MTHFD1L: variants seen among roughly 807,000 people sequenced by gnomAD.
MTHFD1L encodes monofunctional C1-tetrahydrofolate synthase, mitochondrial.
A neutral mutation model predicts 119.5 loss-of-function variants in MTHFD1L; 81 were observed. The ratio of observed to expected loss-of-function variants is 0.68; its 90% CI spans 0.57 to 0.82. The LOEUF (loss-of-function observed/expected upper bound fraction) is 0.82. Among genes scored for constraint, MTHFD1L ranks in the 40% least tolerant of loss-of-function variants. MTHFD1L has a pLI of 0.00. For missense variants in MTHFD1L, 1,125 were observed against 1,253.4 expected, an observed-to-expected ratio of 0.90 and a Z score of 1.55; for synonymous variants, 430 against 475.2, an observed-to-expected ratio of 0.90 and a Z score of 1.24.
intron 13 of MTHFD1L, among the ~76,000 whole-genome samples, chr6:150,943,853 T>G (rs1399201098): frequency 6.6e-6 from 1 of 152,122 alleles, no homozygotes; most frequent in Non-Finnish European, 1.5e-5. Context: ...TTCTCCAAAG[T>G]TCTGTAATAT....
intron 4 of MTHFD1L, 65 bp downstream of exon 4, chr6:150,877,891 G>A (rs772241889): frequency 1.1e-5 from 17 of 1,578,758 alleles, no homozygotes; most frequent in Non-Finnish European, 1.4e-5. Flanking sequence ...AGGCCCATTG[G>A]CGTCTCTTAG....
At chr6:150,878,716 G>A (rs551052498) in intron 4 of MTHFD1L, among the ~76,000 whole-genome samples, 2 of 152,306 alleles carry the variant, frequency 1.3e-5, no homozygotes, top group South Asian at 4.1e-4. Flanking sequence ...GGCCCAGCAG[G>A]TCTGCTAGTC....
intron 26 of MTHFD1L, among the ~76,000 whole-genome samples, chr6:151,067,074 ACCTCTG>A (rs1478321311): frequency 6.7e-6 from 1 of 150,014 alleles, no homozygotes; most frequent in African/African-American, 2.5e-5. Flanking sequence ...GCTCACTGCA[ACCTCTG>A]CCTCCTGGGT....
chr6:151,096,790 G>A (rs1405812648), intron 27 of MTHFD1L, among the ~76,000 whole-genome samples: 1 of 152,152 alleles, frequency 6.6e-6, no homozygotes, highest in Non-Finnish European at 1.5e-5. Context: ...ACAACTTTCT[G>A]TCCTTCCCTT....
intron 11 of MTHFD1L, chr6:150,935,357 A>T: frequency 6.2e-7 from 1 of 1,613,776 alleles, no homozygotes; most frequent in Non-Finnish European, 8.5e-7. Flanking sequence ...CCCTGTACTT[A>T]TAGTTGCTAA....
chr6:150,882,648 C>A, intron 4 of MTHFD1L, 114 bp from the exon 5 acceptor site: 1 of 773,126 alleles, frequency 1.3e-6, no homozygotes, highest in African/African-American at 1.8e-5. Context: ...AGCAAAACAA[C>A]AACAAACTAT....
At chr6:151,043,313 G>A (rs1449518765) in intron 26 of MTHFD1L, among the ~76,000 whole-genome samples, 1 of 124,078 alleles carries the variant, frequency 8.1e-6, no homozygotes, top group Non-Finnish European at 1.6e-5. Context: ...CGCCCAGGCT[G>A]GAGTGCAGTA....
chr6:151,003,316 G>A (rs1780884776), intron 20 of MTHFD1L, among the ~76,000 whole-genome samples: 1 of 152,216 alleles, frequency 6.6e-6, no homozygotes, highest in Non-Finnish European at 1.5e-5. Context: ...CGGATCACCT[G>A]AGGTCAGAAG....
At chr6:151,038,416 G>C (rs1009289287) in intron 26 of MTHFD1L, among the ~76,000 whole-genome samples, 3 of 152,090 alleles carry the variant, frequency 2.0e-5, no homozygotes, top group Non-Finnish European at 4.4e-5. Flanking sequence ...GGATGAGGGG[G>C]GGTGGCTGGG....
At chr6:150,887,699 C>T (rs377443269) in intron 6 of MTHFD1L, 146 bp from the exon 7 acceptor site, 31 of 722,782 alleles carry the variant, frequency 4.3e-5, no homozygotes, top group South Asian at 3.1e-4. Context: ...TGAAGTGATC[C>T]GCCTGCCTCA....
chr6:150,916,292 CTTTTT>C (rs71554488), intron 8 of MTHFD1L, among the ~76,000 whole-genome samples: 1 of 39,986 alleles, frequency 2.5e-5, no homozygotes, highest in African/African-American at 9.8e-5. Flanking sequence ...AAGGTAGAAT[CTTTTT>C]TTTTTTTTTT....
At chr6:150,917,032 A>C (rs1350681363) in intron 8 of MTHFD1L, among the ~76,000 whole-genome samples, 4 of 151,128 alleles carry the variant, frequency 2.6e-5, no homozygotes, top group Non-Finnish European at 5.9e-5. Flanking sequence ...AATTGCTGGG[A>C]TTACAGGCGT....
intron 27 of MTHFD1L, among the ~76,000 whole-genome samples, chr6:151,093,899 T>C (rs1175068025): frequency 6.6e-6 from 1 of 152,172 alleles, no homozygotes; most frequent in Non-Finnish European, 1.5e-5. Flanking sequence ...CAGTCTCAGG[T>C]TGGGCTTTGA....
chr6:151,051,653 C>G (rs1384410633), intron 26 of MTHFD1L, among the ~76,000 whole-genome samples: 1 of 152,176 alleles, frequency 6.6e-6, no homozygotes, highest in Admixed American at 6.5e-5. Flanking sequence ...CCATACCCCC[C>G]CAGAGGCAGC....
chr6:150,876,166 A>G lies in MTHFD1L; in HGVS notation c.304A>G (p.Ile102Val). Residue 102 changes from isoleucine (I) to valine (V), a missense_variant, in exon 2 of 28, where the codon ATT becomes GTT. By Grantham distance (29) the Ile-to-Val change is conservative. Coordinates refer to ENST00000367321, the MANE Select transcript of MTHFD1L (RefSeq NM_015440.5). Reference sequence around the variant, plus strand: ...CCCTGCCTTCAAGCCGGTTCTTGCAATTATCCAGGTAAGCCGAGAACAAGG... The same window carrying G: ...CCCTGCCTTCAAGCCGGTTCTTGCAGTTATCCAGGTAAGCCGAGAACAAGG... The part of the protein sequence containing the change: ...KNPAFKPVLA[I>V]IQAGDDNLMQ... 1 of 1,591,916 alleles carries G rather than the reference A, an allele frequency of 6.3e-7. No homozygotes were observed. Among genetic ancestry groups the G allele is most frequent in the South Asian group, 1.2e-5 (1 of 86,838 alleles).
chr6:150,876,242 C>A, intron 2 of MTHFD1L, 68 bp downstream of exon 2: 2 of 1,243,122 alleles, frequency 1.6e-6, no homozygotes, highest in Non-Finnish European at 2.2e-6. Context: ...TGATTGTATA[C>A]AAAAGAGCAG....
chr6:151,065,023 C>T (rs899518993), intron 26 of MTHFD1L, among the ~76,000 whole-genome samples: 10 of 152,078 alleles, frequency 6.6e-5, no homozygotes, highest in Non-Finnish European at 7.4e-5. Context: ...AGACTGGTCT[C>T]GAACCCTTGA....
chr6:150,959,079 A>G (rs1796062419), intron 17 of MTHFD1L: 10 of 595,972 alleles, frequency 1.7e-5, no homozygotes, highest in Non-Finnish European at 2.1e-5. Context: ...TAAATTTCAT[A>G]CAATGAAAGA....
At chr6:150,979,838 A>G (rs1221021275) in intron 20 of MTHFD1L, among the ~76,000 whole-genome samples, 4 of 152,152 alleles carry the variant, frequency 2.6e-5, no homozygotes, top group African/African-American at 9.7e-5. Flanking sequence ...TGGCCTTCAG[A>G]GGACTCTGCT....
Sources: allele counts gnomAD v4.1 joint callset (sites outside exome capture counted in the v4.1 genomes callset), GRCh38; gene constraint gnomAD v4.1.1; transcripts MANE v1.5; gene names NCBI Gene and HGNC (gene_info 2026-07-23, HGNC 2026-07-21).